Variants in TFDP1 observed in about 807,000 individuals in gnomAD.
The protein encoded by TFDP1 is transcription factor Dp-1, also known as DRTF1-polypeptide 1.
A neutral mutation model predicts 48.0 loss-of-function variants in TFDP1; 6 were observed. The observed-to-expected ratio is 0.13, with a 90% CI of 0.07 to 0.25. The LOEUF is 0.25. Ranked by LOEUF, TFDP1 falls within the 10% of genes least tolerant of loss-of-function variation. The probability of loss-of-function intolerance (pLI) is 1.00; values close to 1 mark genes in which losing one functional copy is unlikely to be tolerated. For missense variants in TFDP1, 335 were observed against 543.0 expected (o/e 0.62, Z 3.81); for synonymous variants, 201 against 211.6 (o/e 0.95, Z 0.44).
chr13:113,586,877 C>T (rs529646051), intron 2 of TFDP1, among the ~76,000 whole-genome samples: 49 of 152,324 alleles, frequency 3.2e-4, no homozygotes, highest in Middle Eastern at 6.8e-3. Flanking sequence ...GGCTGTGCTG[C>T]GAGACTACTT....
At chr13:113,617,673 C>T (rs66475022) in intron 3 of TFDP1, among the ~76,000 whole-genome samples, 11,591 of 73,238 alleles carry the variant, frequency 0.16, 153 homozygotes, top group African/African-American at 0.3. Flanking sequence ...CCTGCAGAGC[C>T]GCTCACCTGC....
intron 2 of TFDP1, among the ~76,000 whole-genome samples, chr13:113,593,451 T>C (rs1345747403): frequency 2.2e-4 from 25 of 113,300 alleles, no homozygotes; most frequent in African/African-American, 5.1e-4. Context: ...CTCAGCCCTG[T>C]CCAGGTGACA....
At chr13:113,615,354 G>A (rs988187498) in intron 3 of TFDP1, among the ~76,000 whole-genome samples, 8 of 152,182 alleles carry the variant, frequency 5.3e-5, no homozygotes, top group African/African-American at 1.9e-4. Flanking sequence ...CGGCCCCGCA[G>A]TGCTGATAGG....
Position 113,636,741 on chromosome 13 carries a change from A to G in TFDP1, c.1006+41A>G, listed in dbSNP as rs867381623. On this transcript the variant is annotated intron_variant, in intron 10 of 11. Transcript: ENST00000375370. ...ACAACCTGGCGTGGCTGTGTGAGGA[A>G]TGGCCCCCAGCCTCCGACGGTGCCC... 1.2e-5 allele frequency: 19 copies of G among 1,597,742 alleles called. No individual in the cohort carries two copies. The African/African-American group carries it at 2.2e-4, about 18-fold the overall frequency.
chr13:113,590,444 C>G (rs2048112001), intron 2 of TFDP1, among the ~76,000 whole-genome samples: 1 of 152,188 alleles, frequency 6.6e-6, no homozygotes, highest in Non-Finnish European at 1.5e-5. Context: ...AGAGGTGAAC[C>G]TGATGCAGCA....
intron 3 of TFDP1, among the ~76,000 whole-genome samples, chr13:113,621,179 G>A (rs1338452559): frequency 6.6e-6 from 1 of 152,260 alleles, no homozygotes; most frequent in Non-Finnish European, 1.5e-5. Context: ...ATGCCTGTGG[G>A]GAGGTCCAGG....
chr13:113,625,280 C>T (rs796789793), intron 4 of TFDP1, among the ~76,000 whole-genome samples: 4 of 121,750 alleles, frequency 3.3e-5, no homozygotes, highest in Non-Finnish European at 3.3e-5. Context: ...TCAGGTGTCT[C>T]TCACGTGTCC....
At chr13:113,606,691 T>C (rs1168566110) in intron 2 of TFDP1, among the ~76,000 whole-genome samples, 1 of 152,228 alleles carries the variant, frequency 6.6e-6, no homozygotes, top group Non-Finnish European at 1.5e-5. Flanking sequence ...GTGTGACTTC[T>C]TCAGATGATC....
chr13:113,601,820 C>T (rs1334551262), intron 2 of TFDP1, among the ~76,000 whole-genome samples: 4 of 152,140 alleles, frequency 2.6e-5, no homozygotes, highest in Non-Finnish European at 5.9e-5. Context: ...GAGTTACCCG[C>T]AGGAGTTGAG....
chr13:113,637,720 G>C (rs752535460), intron 10 of TFDP1, 98 bp from the exon 11 acceptor site: 18 of 1,602,738 alleles, frequency 1.1e-5, no homozygotes, highest in Admixed American at 1.7e-5. Flanking sequence ...TTCTACAGCC[G>C]TCTGTCCTGT....
At chr13:113,614,077 C>T (rs1223638937) in intron 3 of TFDP1, among the ~76,000 whole-genome samples, 1 of 149,752 alleles carries the variant, frequency 6.7e-6, no homozygotes, top group South Asian at 2.1e-4. Flanking sequence ...GAGTTGTGTG[C>T]ATGAGATGTA....
rs925681061 is a variant in TFDP1, at chr13:113,634,660, A to C, written c.687+58A>C. 2.2e-6 allele frequency: 3 copies of C among 1,342,846 alleles called. No homozygotes were observed. The African/African-American group carries it at 4.4e-5, about 20-fold the overall frequency. The allele number at this position is 1,342,846 out of a possible 1,614,324, so 83.2% of individuals were successfully genotyped here. A position where few individuals can be genotyped will look rare whatever the true frequency, so the allele number is the denominator to read the frequency against. On this transcript the variant is annotated intron_variant, in intron 8 of 11. Coordinates refer to ENST00000375370, the MANE Select transcript of TFDP1 (RefSeq NM_007111.5). ...ATTTTTATTTTACTAATTTAGCTTT[A>C]TAACGGCAACATACTGCCTTGGGTT... is the stretch of plus-strand genomic sequence containing the variant.
intron 3 of TFDP1, among the ~76,000 whole-genome samples, chr13:113,612,430 C>T (rs189573000): frequency 2.6e-5 from 4 of 152,358 alleles, no homozygotes; most frequent in Admixed American, 1.3e-4. Flanking sequence ...ACCAAATCTA[C>T]GCAGCCCTTT....
chr13:113,603,370 C>A (rs757282025), intron 2 of TFDP1, among the ~76,000 whole-genome samples: 6 of 152,204 alleles, frequency 3.9e-5, no homozygotes, highest in African/African-American at 1.2e-4. Context: ...GTTGAGGGCC[C>A]GGGCAGCGCC....
chr13:113,611,579 A>T (rs2048709350), intron 3 of TFDP1, among the ~76,000 whole-genome samples: 2 of 152,204 alleles, frequency 1.3e-5, no homozygotes, highest in Admixed American at 6.5e-5. Flanking sequence ...GAGAGGTTGA[A>T]GCCACCTCTT....
chr13:113,636,164 C>T (rs765273090), intron 9 of TFDP1, 36 bp downstream of exon 9: 2 of 1,608,738 alleles, frequency 1.2e-6, no homozygotes, highest in Non-Finnish European at 1.7e-6. Flanking sequence ...CCTGGTCACC[C>T]ATCTCTTTTT....
At chr13:113,596,051 C>G (rs1006978017) in intron 2 of TFDP1, among the ~76,000 whole-genome samples, 16 of 152,214 alleles carry the variant, frequency 1.1e-4, no homozygotes, top group Non-Finnish European at 1.8e-4. Context: ...CGCTGCACTC[C>G]CGCCTGGGCG....
intron 4 of TFDP1, among the ~76,000 whole-genome samples, 173 bp from the exon 5 acceptor site, chr13:113,631,450 G>A (rs1225481093): frequency 5.9e-5 from 9 of 152,164 alleles, no homozygotes; most frequent in Admixed American, 3.3e-4. Flanking sequence ...GTGGGGTGAT[G>A]CCGTCACCGT....
intron 2 of TFDP1, among the ~76,000 whole-genome samples, chr13:113,602,177 G>A (rs144974879): frequency 1.2e-3 from 183 of 151,538 alleles, no homozygotes; most frequent in African/African-American, 4.1e-3. Flanking sequence ...CACAGGAGTC[G>A]AGGGAGGAGT....
Sources: allele counts gnomAD v4.1 joint callset (sites outside exome capture counted in the v4.1 genomes callset), GRCh38; gene constraint gnomAD v4.1.1; transcripts MANE v1.5; gene names NCBI Gene and HGNC (gene_info 2026-07-23, HGNC 2026-07-21).